Variants in PRDM6 observed in about 807,000 individuals in gnomAD.
PRDM6 encodes the protein PR/SET domain 6, also known as putative histone-lysine N-methyltransferase PRDM6.
A neutral mutation model predicts 60.8 loss-of-function variants in PRDM6; 25 were observed. The ratio of observed to expected loss-of-function variants is 0.41; its 90% CI spans 0.30 to 0.57. PRDM6 has a LOEUF of 0.57. Among genes scored for constraint, PRDM6 ranks in the 20% least tolerant of loss-of-function variants. The probability of loss-of-function intolerance (pLI) is 0.27; values close to 1 mark genes in which losing one functional copy is unlikely to be tolerated. For missense variants in PRDM6, 839 were observed against 821.3 expected (o/e 1.02, Z -0.26); for synonymous variants, 407 against 357.4 (o/e 1.14, Z -1.57).
intron 3 of PRDM6, among the ~76,000 whole-genome samples, chr5:123,102,340 G>C (rs1221655813): frequency 6.6e-6 from 1 of 152,026 alleles, no homozygotes; most frequent in African/African-American, 2.4e-5. Flanking sequence ...TAAGCATTAT[G>C]ATTTATTTTT....
intron 3 of PRDM6, among the ~76,000 whole-genome samples, chr5:123,134,180 A>G (rs898273247): frequency 2.6e-5 from 4 of 152,158 alleles, no homozygotes; most frequent in African/African-American, 4.8e-5. Flanking sequence ...TGAAAAATAA[A>G]TGTGGGATTT....
At chr5:123,180,090 GA>G (rs1766112465) in intron 6 of PRDM6, 56 bp from the exon 7 acceptor site, 1 of 1,455,448 alleles carries the variant, frequency 6.9e-7, no homozygotes, top group Non-Finnish European at 9.2e-7. Context: ...ATATGATTCT[GA>G]CTTCCACTGA....
At chr5:123,095,529 C>T (rs1176538328) in intron 2 of PRDM6, among the ~76,000 whole-genome samples, 1 of 152,246 alleles carries the variant, frequency 6.6e-6, no homozygotes, top group Non-Finnish European at 1.5e-5. Context: ...GCACGCGGCA[C>T]TGCCAGCAGG....
chr5:123,147,309 A>AGAGAGAGAG (rs1561853207), intron 3 of PRDM6, among the ~76,000 whole-genome samples: 18 of 125,342 alleles, frequency 1.4e-4, no homozygotes, highest in African/African-American at 5.5e-4. Flanking sequence ...GAGAGAGAGA[A>AGAGAGAGAG]AACGAACAAG....
intron 3 of PRDM6, among the ~76,000 whole-genome samples, chr5:123,140,309 A>G (rs1459531156): frequency 6.6e-6 from 1 of 151,814 alleles, no homozygotes; most frequent in Non-Finnish European, 1.5e-5. Flanking sequence ...GTTCAAAATG[A>G]CATGATGGAA....
Position 123,099,788 on chromosome 5 carries a change from G to A in PRDM6, c.727G>A (p.Asp243Asn). 6.5e-7 allele frequency: 1 copy of A among 1,548,792 alleles called. No individual in the cohort carries two copies. Among genetic ancestry groups the A allele is most frequent in the Non-Finnish European group, 8.7e-7 (1 of 1,146,006 alleles). The change falls in exon 3 of 8, where the codon GAC becomes AAC. Residue 243 changes from aspartate to asparagine, a missense_variant. Physicochemically the swap from Asp to Asn is conservative, Grantham distance 23 (BLOSUM62 1). Transcript: ENST00000407847. This position sits in a 1 kb window ranked among gnomAD's most constrained non-coding sequence, Gnocchi z 4.0. ...GCCGGAGCTGCCGGAGTGGCTGCGG[G>A]ACCTGCCTCGCGAGGTGTGCCTCTG... is the stretch of plus-strand genomic sequence containing the variant. Reference protein sequence around the residue: ...PPPELPEWLRDLPREVCLCTS... With the variant: ...PPPELPEWLRNLPREVCLCTS...
At chr5:123,106,921 A>G (rs77651165) in intron 3 of PRDM6, among the ~76,000 whole-genome samples, 1 of 152,246 alleles carries the variant, frequency 6.6e-6, no homozygotes, top group African/African-American at 2.4e-5. Context: ...GACAACAAGC[A>G]CATTCCCTGA....
intron 4 of PRDM6, among the ~76,000 whole-genome samples, chr5:123,156,321 G>GC (rs1765499382): frequency 6.6e-6 from 1 of 152,138 alleles, no homozygotes; most frequent in Non-Finnish European, 1.5e-5. Context: ...GACTTGGGGT[G>GC]CTTTTCCCAA....
chr5:123,165,567 T>C (rs776982880), intron 5 of PRDM6, among the ~76,000 whole-genome samples: 53 of 152,228 alleles, frequency 3.5e-4, no homozygotes, highest in Non-Finnish European at 5.0e-4. Context: ...TTCAGTTTAT[T>C]CACTTGTTTT....
At chr5:123,150,694 C>T (rs2126868746) in intron 3 of PRDM6, among the ~76,000 whole-genome samples, 1 of 152,252 alleles carries the variant, frequency 6.6e-6, no homozygotes, top group East Asian at 1.9e-4. Context: ...TGTAAAGGCA[C>T]TGTGTAAATA....
intron 3 of PRDM6, among the ~76,000 whole-genome samples, chr5:123,128,663 A>G (rs1234356901): frequency 1.3e-5 from 2 of 152,018 alleles, no homozygotes; most frequent in Non-Finnish European, 2.9e-5. Flanking sequence ...TAGTTTCTGG[A>G]TATTAGCCCT....
rs549640817 is a variant in PRDM6 at position 123,156,867 on chromosome 5, C to A, written c.1028+856C>A. Among the ~76,000 whole-genome samples the A allele has an allele frequency of 2.6e-5, 4 of 152,262 alleles. No individual in the cohort carries two copies. In the East Asian group the frequency reaches 7.7e-4, roughly 29 times the overall value. On this transcript the variant is annotated intron_variant, in intron 4 of 7. Coordinates refer to ENST00000407847, the MANE Select transcript of PRDM6 (RefSeq NM_001136239.4). ...CAAATCAAATAGGAAAAAAGCCCCA[C>A]CACTAAGCCTTCTTCTCTCAAAATC... is the stretch of plus-strand genomic sequence containing the variant.
chr5:123,171,497 G>A (rs1299239057), intron 6 of PRDM6, among the ~76,000 whole-genome samples: 2 of 152,188 alleles, frequency 1.3e-5, no homozygotes, highest in Non-Finnish European at 2.9e-5. Flanking sequence ...CCTCCAGTGT[G>A]CCGTGGGTAT....
chr5:123,159,798 T>A (rs1043084210), intron 5 of PRDM6, among the ~76,000 whole-genome samples, 160 bp downstream of exon 5: 17 of 152,362 alleles, frequency 1.1e-4, no homozygotes, highest in African/African-American at 4.1e-4. Flanking sequence ...CTGCATGTCA[T>A]CTGCTTTCTC....
At chr5:123,128,841 C>T (rs1397882202) in intron 3 of PRDM6, among the ~76,000 whole-genome samples, 2 of 152,156 alleles carry the variant, frequency 1.3e-5, no homozygotes, top group African/African-American at 4.8e-5. Flanking sequence ...AGTCCTTGCC[C>T]ATGCCTATGT....
chr5:123,171,867 A>G (rs1243795709), intron 6 of PRDM6, among the ~76,000 whole-genome samples: 3 of 152,192 alleles, frequency 2.0e-5, no homozygotes, highest in African/African-American at 7.2e-5. Flanking sequence ...GGTTTATTTG[A>G]CAGTTTTGAT....
At chr5:123,123,134 A>C (rs1460160133) in intron 3 of PRDM6, among the ~76,000 whole-genome samples, 1 of 152,058 alleles carries the variant, frequency 6.6e-6, no homozygotes, top group Non-Finnish European at 1.5e-5. Flanking sequence ...ATCAGTTTAC[A>C]CTCCCCTGAT....
intron 3 of PRDM6, among the ~76,000 whole-genome samples, chr5:123,101,399 C>T (rs542671492): frequency 3.9e-5 from 6 of 152,208 alleles, no homozygotes; most frequent in Admixed American, 2.0e-4. Flanking sequence ...GCTGGAGTGC[C>T]CCGGCTCAAA....
At chr5:123,104,274 A>G (rs1350256826) in intron 3 of PRDM6, among the ~76,000 whole-genome samples, 1 of 151,850 alleles carries the variant, frequency 6.6e-6, no homozygotes, top group Admixed American at 6.5e-5. Flanking sequence ...TGGTTCTAGA[A>G]GAAAATGAAT....
Sources: gnomAD v4.1 joint callset for allele counts (sites outside exome capture counted in the v4.1 genomes callset) on GRCh38, gnomAD v4.1.1 for gene constraint, Gnocchi (gnomAD v3.1) non-coding constraint, MANE v1.5 for transcripts, NCBI Gene and HGNC (gene_info 2026-07-23, HGNC 2026-07-21) for gene names.